ZNF334: variants seen among roughly 807,000 people sequenced by gnomAD.
ZNF334 encodes zinc finger protein 334.
Under a neutral mutation model 12.4 loss-of-function variants are expected in ZNF334, and 14 were observed. That is an observed-to-expected ratio of 1.13 (90% confidence interval 0.74 to 1.76). ZNF334 has a LOEUF of 1.76. ZNF334 is among the 40% of genes most tolerant of loss of function. ZNF334 has a pLI of 0.00. For synonymous variants in ZNF334, 273 were observed against 269.6 expected (o/e 1.01, Z -0.12); for missense variants, 797 against 804.5 (o/e 0.99, Z 0.11).
At chr20:46,467,047 T>G in the ZNF334 span, among the ~76,000 whole-genome samples, 1 of 152,200 alleles carries the variant, frequency 6.6e-6, no homozygotes, top group African/African-American at 2.4e-5. Context: ...GTAGGTATAT[T>G]TCTCACAGTT....
the ZNF334 span, chr20:46,492,428 A>T: frequency 6.5e-6 from 1 of 153,568 alleles, no homozygotes; most frequent in Non-Finnish European, 1.5e-5. Flanking sequence ...CCTTAACTGG[A>T]AACTTAATCA....
At chr20:46,463,957 T>G in the ZNF334 span, 2 of 578,396 alleles carry the variant, frequency 3.5e-6, no homozygotes, top group Non-Finnish European at 6.9e-6. Context: ...ATTTTCAAAG[T>G]CTGTCAGTTC....
chr20:46,473,924 C>T, the ZNF334 span, among the ~76,000 whole-genome samples: 5 of 152,142 alleles, frequency 3.3e-5, no homozygotes, highest in Admixed American at 6.5e-5. Context: ...GTATGTGACC[C>T]CATTATGCCA....
At position 46,502,167 on chromosome 20, in the gene ZNF334, G is replaced by A; in HGVS notation, c.1172C>T (p.Ala391Val). The stretch of plus-strand genomic sequence containing the variant: ...GTGAATTCTCTGATGCGCAGTAAGG[G>A]CTGACTGACAGAAGAAGGTTTTCCC... ...ECGKTFFCQS[A>V]LTAHQRIHTG... Residue 391 changes from alanine (A) to valine (V), a missense_variant, in exon 5 of 5, where the codon GCC becomes GTC. Ala to Val is a moderately conservative substitution (Grantham distance 64, BLOSUM62 0). Transcript: ENST00000692313. 1 of 1,614,084 alleles carries A rather than the reference G, an allele frequency of 6.2e-7. No homozygotes were observed. Among genetic ancestry groups the A allele is most frequent in the African/African-American group, 1.3e-5 (1 of 75,028 alleles).
intron 2 of ZNF334, chr20:46,509,587 G>C: frequency 2.8e-6 from 2 of 702,964 alleles, no homozygotes; most frequent in Non-Finnish European, 5.2e-6. Context: ...AGAAAGGATG[G>C]GGAATTCATC....
rs967228800 is a variant in ZNF334, at chr20:46,500,391, T to C, written c.*905A>G. The stretch of plus-strand genomic sequence containing the variant: ...CCCAGGCGCCTTTTGTTCTCAGAAT[T>C]TGATCAGTGACTTCTAAACAATACC... On this transcript the variant is annotated 3_prime_UTR_variant, in exon 5 of 5. Transcript: ENST00000692313. 7 of 152,206 alleles carry C rather than the reference T, an allele frequency of 4.6e-5. No individual in the cohort carries two copies. The highest frequency in any genetic ancestry group is 1.4e-4 in the African/African-American group (6 of 41,450). 9.4% of individuals were successfully genotyped at this position (152,206 alleles called of 1,614,324 possible).
At chr20:46,480,214 A>C in the ZNF334 span, among the ~76,000 whole-genome samples, 1 of 152,070 alleles carries the variant, frequency 6.6e-6, no homozygotes, top group Non-Finnish European at 1.5e-5. Context: ...TATTAATCAC[A>C]CATTTGCCAA....
Sources: allele counts gnomAD v4.1 joint callset (sites outside exome capture counted in the v4.1 genomes callset), GRCh38; gene constraint gnomAD v4.1.1; transcripts MANE v1.5; gene names NCBI Gene and HGNC (gene_info 2026-07-23, HGNC 2026-07-21).